DDX23: variants seen among roughly 807,000 people sequenced by gnomAD.
DDX23 encodes probable ATP-dependent RNA helicase DDX23.
A neutral mutation model predicts 102.7 loss-of-function variants in DDX23; 33 were observed. That is an observed-to-expected ratio of 0.32 (90% CI 0.24 to 0.43). The LOEUF is 0.43. Ranked by LOEUF, DDX23 falls within the 20% of genes least tolerant of loss-of-function variation. The pLI is 1.00. For missense variants in DDX23, 549 were observed against 1,086.6 expected, an observed-to-expected ratio of 0.51 and a Z score of 6.96; for synonymous variants, 352 against 376.0, an observed-to-expected ratio of 0.94 and a Z score of 0.74.
rs567153144 is a variant in DDX23, at chr12:48,829,988, G to A, written c.*481C>T. On this transcript the variant is annotated 3_prime_UTR_variant, in exon 17 of 17. Coordinates refer to ENST00000308025, the MANE Select transcript of DDX23 (RefSeq NM_004818.3). The stretch of plus-strand genomic sequence containing the variant: ...TCAACTTCCTTTACCATCCAAACAG[G>A]AAAACAGCTGTCCAGATGACAGTAA... 20 of 358,192 alleles carry A rather than the reference G, an allele frequency of 5.6e-5. No individual in the cohort carries two copies. Among genetic ancestry groups the A allele is most frequent in the South Asian group, 4.2e-4 (20 of 47,664 alleles). The allele number at this position is 358,192 out of a possible 1,614,324, so 22.2% of individuals were successfully genotyped here.
At chr12:48,847,592 G>A (rs1305022212) in intron 1 of DDX23, among the ~76,000 whole-genome samples, 4 of 151,984 alleles carry the variant, frequency 2.6e-5, no homozygotes, top group Non-Finnish European at 4.4e-5. Flanking sequence ...CACTTTGGGA[G>A]GCTGAGGTGG....
chr12:48,845,583 G>C lies in DDX23; in HGVS notation c.200C>G (p.Ser67Cys). The C allele has an allele frequency of 6.2e-7, 1 of 1,614,228 alleles. No homozygotes were observed. The highest frequency in any genetic ancestry group is 8.5e-7 in the Non-Finnish European group (1 of 1,180,040). The change falls in exon 2 of 17, where the codon TCT becomes TGT. Residue 67 changes from serine to cysteine, a missense_variant. Ser to Cys is a moderately radical substitution (Grantham distance 112). Around this residue, in one of 4 missense-constraint regions of DDX23, gnomAD observed 241 missense variants for 267.0 expected, o/e 0.90. Transcript: ENST00000308025. ...TACAAAGTTACTTTACCTTTCTGCAGATTTGGAACGGGAACGAGAGCGAGA... is the reference window on the plus strand; with the variant it reads ...TACAAAGTTACTTTACCTTTCTGCACATTTGGAACGGGAACGAGAGCGAGA... Reference protein sequence around the residue: ...SRSRSRSRSKSAERERRHKER... With the variant: ...SRSRSRSRSKCAERERRHKER...
chr12:48,849,692 T>A (rs1255878894), intron 1 of DDX23, among the ~76,000 whole-genome samples: 1 of 148,362 alleles, frequency 6.7e-6, no homozygotes, highest in African/African-American at 2.5e-5. Flanking sequence ...CAGCCAGGTG[T>A]GGTGGTTCAC....
rs183236101 is a variant in DDX23 at position 48,843,982 on chromosome 12, T to A, written c.278A>T (p.Asp93Val). Reference sequence around the variant, plus strand: ...CTTGTCCCGTCTGTGCCCATCCTTGTCTCGATCTCGGTCCTTCTTATTCCG... The same window carrying A: ...CTTGTCCCGTCTGTGCCCATCCTTGACTCGATCTCGGTCCTTCTTATTCCG... ...RDRNKKDRDR[D>V]KDGHRRDKDR... The change falls in exon 3 of 17, where the codon GAC becomes GTC. Residue 93 changes from aspartate to valine, a missense_variant. Coordinates refer to ENST00000308025, the MANE Select transcript of DDX23 (RefSeq NM_004818.3). 48 of 1,614,168 alleles carry A rather than the reference T, an allele frequency of 3.0e-5. No individual in the cohort carries two copies. Among genetic ancestry groups the A allele is most frequent in the Non-Finnish European group, 5.9e-6 (7 of 1,180,034 alleles).
Position 48,837,584 on chromosome 12 carries a change from C to T in DDX23, c.693G>A (p.Glu231=). ...MERETNGNED[E]EGRQKIREEK... ...CTTCCCGGATCTTCTGCCGCCCTTC[C>T]TCATCCTCATTTCCATTGGTCTCCC... Residue 231 remains glutamate, a synonymous_variant, in exon 7 of 17, where the codon GAG becomes GAA. Coordinates refer to ENST00000308025, the MANE Select transcript of DDX23 (RefSeq NM_004818.3). 6.2e-7 allele frequency: 1 copy of T among 1,614,188 alleles called. No individual in the cohort carries two copies. The highest frequency in any genetic ancestry group is 1.3e-5 in the African/African-American group (1 of 75,052).
chr12:48,842,247 C>G (rs1362208854), intron 3 of DDX23, among the ~76,000 whole-genome samples: 7 of 150,348 alleles, frequency 4.7e-5, no homozygotes, highest in Non-Finnish European at 1.0e-4. Flanking sequence ...CCCCACCCGG[C>G]CAGCCGCCCA....
At chr12:48,851,479 A>AG (rs1391976382) in intron 1 of DDX23, among the ~76,000 whole-genome samples, 1 of 152,190 alleles carries the variant, frequency 6.6e-6, no homozygotes, top group East Asian at 1.9e-4. Flanking sequence ...TCTCAAAAAA[A>AG]AAAAGAAAAG....
chr12:48,845,154 T>TAA (rs60186795), intron 2 of DDX23, among the ~76,000 whole-genome samples: 91 of 131,122 alleles, frequency 6.9e-4, no homozygotes, highest in South Asian at 2.5e-3. Context: ...CTCCATCTTT[T>TAA]AAAAAAAAAA....
At chr12:48,844,414 G>T (rs144504469) in intron 2 of DDX23, among the ~76,000 whole-genome samples, 1 of 152,034 alleles carries the variant, frequency 6.6e-6, no homozygotes, top group East Asian at 1.9e-4. Context: ...GAGTAGCTGG[G>T]ATTACAGATG....
chr12:48,839,826 A>G lies in DDX23; in HGVS notation c.480+18T>C. 6.2e-7 allele frequency: 1 copy of G among 1,613,332 alleles called. No homozygotes were observed. Among genetic ancestry groups the G allele is most frequent in the Non-Finnish European group, 8.5e-7 (1 of 1,179,738 alleles). Reference sequence around the variant, plus strand: ...TATGGCAGCCTGAGCCGATGAATGAAGACCCTCAAGTACTTACCTTAGCCT... The same window carrying G: ...TATGGCAGCCTGAGCCGATGAATGAGGACCCTCAAGTACTTACCTTAGCCT... On this transcript the variant is annotated intron_variant, in intron 5 of 16. Coordinates refer to ENST00000308025, the MANE Select transcript of DDX23 (RefSeq NM_004818.3).
intron 15 of DDX23, 112 bp from the exon 16 acceptor site, chr12:48,831,428 G>A (rs534394542): frequency 1.9e-5 from 19 of 1,013,166 alleles, no homozygotes; most frequent in African/African-American, 3.2e-5. Flanking sequence ...AGCAGAGTAC[G>A]AGAAAGGAAA....
intron 5 of DDX23, among the ~76,000 whole-genome samples, chr12:48,838,328 AC>A (rs768769456): frequency 2.0e-5 from 3 of 152,102 alleles, no homozygotes; most frequent in Non-Finnish European, 2.9e-5. Flanking sequence ...AGATGGGAGG[AC>A]CGCTTGAGGC....
At chr12:48,847,512 C>CAA (rs992632357) in intron 1 of DDX23, among the ~76,000 whole-genome samples, 24 of 110,134 alleles carry the variant, frequency 2.2e-4, no homozygotes, top group South Asian at 8.9e-4. Context: ...TGATCCGTTT[C>CAA]AAAAAAAAAA....
In DDX23 at chr12:48,834,306, A is replaced by G. The variant is rs1938433466; in HGVS notation, c.1560+14T>C. 2.5e-6 allele frequency: 4 copies of G among 1,597,222 alleles called. No individual in the cohort carries two copies. The highest frequency in any genetic ancestry group is 3.4e-6 in the Non-Finnish European group (4 of 1,171,178). On this transcript the variant is annotated intron_variant, in intron 12 of 16. Transcript: ENST00000308025. ...TCCCAGACAGCAGGCTGGCTGCTAGATAGAAAAACAAACCTCACAACCCAT... is the reference window on the plus strand; with the variant it reads ...TCCCAGACAGCAGGCTGGCTGCTAGGTAGAAAAACAAACCTCACAACCCAT...
chr12:48,836,054 A>G lies in DDX23; in HGVS notation c.1382+67T>C, dbSNP rs1938464724. On this transcript the variant is annotated intron_variant, in intron 11 of 16. Coordinates refer to ENST00000308025, the MANE Select transcript of DDX23 (RefSeq NM_004818.3). This position sits in a 1 kb window ranked among gnomAD's most constrained non-coding sequence, Gnocchi z 6.1. The stretch of plus-strand genomic sequence containing the variant: ...TATAGACGTAAAACAAAAATCAAAC[A>G]TTCATTTGCCACTTTCACCTTTCCT... 2 of 1,553,624 alleles carry G rather than the reference A, an allele frequency of 1.3e-6. No individual in the cohort carries two copies. The highest frequency in any genetic ancestry group is 1.7e-5 in the Admixed American group (1 of 58,012).
At chr12:48,843,626 G>A (rs1938611833) in intron 3 of DDX23, among the ~76,000 whole-genome samples, 1 of 142,974 alleles carries the variant, frequency 7.0e-6, no homozygotes, top group African/African-American at 2.6e-5. Flanking sequence ...TCGACTCACT[G>A]CAGGCTCCGC....
rs774621513 is a variant in DDX23, at chr12:48,830,440, T to C, written c.*29A>G. 1.2e-6 allele frequency: 2 copies of C among 1,612,766 alleles called. No individual in the cohort carries two copies. Among genetic ancestry groups the C allele is most frequent in the East Asian group, 2.2e-5 (1 of 44,866 alleles). ...AACAGGCATCAGGCAGCTTTGGAGA[T>C]GCCCTCAGCCCACAGGAAGAGTGCT... On this transcript the variant is annotated 3_prime_UTR_variant, in exon 17 of 17. Transcript: ENST00000308025. This position sits in a 1 kb window ranked among gnomAD's most constrained non-coding sequence, Gnocchi z 4.9.
intron 3 of DDX23, 85 bp downstream of exon 3, chr12:48,843,855 T>C: frequency 6.8e-7 from 1 of 1,472,458 alleles, no homozygotes; most frequent in African/African-American, 1.4e-5. Context: ...GCGAGAAATC[T>C]ACTTTCATAA....
At chr12:48,839,820 G>A (rs751579009) in intron 5 of DDX23, 24 bp downstream of exon 5, 2 of 1,612,664 alleles carry the variant, frequency 1.2e-6, no homozygotes, top group South Asian at 2.2e-5. Context: ...CTGAGCCGAT[G>A]AATGAAGACC....
Sources: allele counts gnomAD v4.1 joint callset (sites outside exome capture counted in the v4.1 genomes callset), GRCh38; gene constraint gnomAD v4.1.1; regional missense constraint gnomAD v4.1.1; non-coding constraint Gnocchi (gnomAD v3.1); transcripts MANE v1.5; gene names NCBI Gene and HGNC (gene_info 2026-07-23, HGNC 2026-07-21).